MCHR2: variants seen among roughly 807,000 people sequenced by gnomAD.
MCHR2 encodes the protein melanin concentrating hormone receptor 2.
Under a neutral mutation model 24.8 loss-of-function variants are expected in MCHR2, and 15 were observed. The ratio of observed to expected loss-of-function variants is 0.60; its 90% CI spans 0.40 to 0.93. MCHR2 has a LOEUF of 0.93. Ranked by LOEUF, MCHR2 falls within the 40% of genes least tolerant of loss-of-function variation. The probability of loss-of-function intolerance (pLI) is 0.00; values close to 1 mark genes in which losing one functional copy is unlikely to be tolerated. For missense variants in MCHR2, 386 were observed against 408.7 expected (o/e 0.94, Z 0.48); for synonymous variants, 151 against 147.6 (o/e 1.02, Z -0.17).
chr6:99,919,746 G>A lies in MCHR2; in HGVS notation c.*1194C>T, dbSNP rs77858732. On this transcript the variant is annotated 3_prime_UTR_variant, in exon 6 of 6. Transcript: ENST00000281806. ...TTTTGTTTGTTTTGTTTTTTTTTTT[G>A]AGATGACGTCTCACTCTATTGCCCA... Among the ~76,000 whole-genome samples the A allele has an allele frequency of 3.0e-5, 2 of 67,144 alleles. No homozygotes were observed. Among genetic ancestry groups the A allele is most frequent in the South Asian group, 4.9e-4 (1 of 2,052 alleles). The allele number at this position is 67,144 out of a possible 152,430, so 44.0% of individuals were successfully genotyped here.
chr6:99,940,449 C>G (rs1426474313), intron 4 of MCHR2, among the ~76,000 whole-genome samples: 1 of 151,920 alleles, frequency 6.6e-6, no homozygotes, highest in Admixed American at 6.6e-5. Context: ...ATTTCAATCT[C>G]TTTGTTAAAT....
At chr6:99,927,023 G>A (rs1774378442) in intron 5 of MCHR2, among the ~76,000 whole-genome samples, 1 of 152,128 alleles carries the variant, frequency 6.6e-6, no homozygotes. Flanking sequence ...TAAGGTGTAA[G>A]GAAGGGATCC....
In MCHR2 at chr6:99,920,816, A is replaced by G. The variant is rs772879609; in HGVS notation, c.*124T>C. ...ATTTGCATGGTTACACTTCTCTTCCATGCTGCTAAGAGTCACAAGTACACA... is the reference window on the plus strand; with the variant it reads ...ATTTGCATGGTTACACTTCTCTTCCGTGCTGCTAAGAGTCACAAGTACACA... On this transcript the variant is annotated 3_prime_UTR_variant, in exon 6 of 6. Transcript: ENST00000281806. 1 of 923,084 alleles carries G rather than the reference A, an allele frequency of 1.1e-6. No individual in the cohort carries two copies. Among genetic ancestry groups the G allele is most frequent in the Non-Finnish European group, 1.7e-6 (1 of 597,918 alleles). The allele number at this position is 923,084 out of a possible 1,614,324, so 57.2% of individuals were successfully genotyped here.
At chr6:99,926,355 T>G (rs1774357853) in intron 5 of MCHR2, among the ~76,000 whole-genome samples, 1 of 152,198 alleles carries the variant, frequency 6.6e-6, no homozygotes, top group African/African-American at 2.4e-5. Context: ...TACCCAGTAA[T>G]GGGATGGCTG....
At chr6:99,991,795 T>A (rs1231003663) in intron 1 of MCHR2, among the ~76,000 whole-genome samples, 2 of 106,904 alleles carry the variant, frequency 1.9e-5, no homozygotes, top group African/African-American at 3.8e-5. Context: ...GGTGACAGAG[T>A]GAGACTCCGT....
At chr6:99,992,083 T>C (rs1029512628) in intron 1 of MCHR2, among the ~76,000 whole-genome samples, 1 of 152,230 alleles carries the variant, frequency 6.6e-6, no homozygotes, top group Non-Finnish European at 1.5e-5. Flanking sequence ...TCCAGCTGGG[T>C]TGAAGGAAGA....
Position 99,931,417 on chromosome 6 carries a change from G to C in MCHR2, c.707+2981C>G, listed in dbSNP as rs570336662. On this transcript the variant is annotated intron_variant, in intron 5 of 5. Transcript: ENST00000281806. ...CTGCAGAGGTTACTGCTGTCTTTTT[G>C]TTTGTCTGTGCCCTGCCCCCAGAGG... Among the ~76,000 whole-genome samples the C allele has an allele frequency of 4.2e-3, 640 of 152,292 alleles. 6 individuals carry two copies. The highest frequency in any genetic ancestry group is 0.015 in the African/African-American group (614 of 41,568).
rs1329515282 is a variant in MCHR2 at position 99,956,087 on chromosome 6, TCCA to T, written c.58_60del (p.Trp20del). ...GCAGTTTGATAAGCAAACTCTTTAT[TCCA>T]GGATTTGTTTAAAAGTTCGGCAGAG... On this transcript the variant is annotated inframe_deletion, in exon 2 of 6. Coordinates refer to ENST00000281806, the MANE Select transcript of MCHR2 (RefSeq NM_001040179.2). 1 of 1,613,346 alleles carries T rather than the reference TCCA, an allele frequency of 6.2e-7. No homozygotes were observed. The highest frequency in any genetic ancestry group is 8.5e-7 in the Non-Finnish European group (1 of 1,179,636).
chr6:99,970,173 C>G (rs549859463), intron 1 of MCHR2, among the ~76,000 whole-genome samples: 15 of 151,274 alleles, frequency 9.9e-5, no homozygotes, highest in African/African-American at 3.6e-4. Context: ...TACAGTCCCA[C>G]CAACAGTGTA....
chr6:99,945,870 AG>A (rs1478960097), intron 3 of MCHR2, among the ~76,000 whole-genome samples: 4 of 152,154 alleles, frequency 2.6e-5, no homozygotes, highest in African/African-American at 7.2e-5. Flanking sequence ...AAAGACTAGG[AG>A]TAAGATACCA....
chr6:99,977,336 C>A (rs1775570606), intron 1 of MCHR2, among the ~76,000 whole-genome samples: 1 of 152,160 alleles, frequency 6.6e-6, no homozygotes, highest in Non-Finnish European at 1.5e-5. Flanking sequence ...TCTTAGGAAA[C>A]CTCCAGTTCA....
chr6:99,926,226 G>A (rs1774355275), intron 5 of MCHR2, among the ~76,000 whole-genome samples: 1 of 152,124 alleles, frequency 6.6e-6, no homozygotes, highest in Non-Finnish European at 1.5e-5. Context: ...TCTTAATCCA[G>A]TCTATCATTG....
intron 4 of MCHR2, among the ~76,000 whole-genome samples, chr6:99,939,696 T>C (rs1774734477): frequency 6.6e-6 from 1 of 151,942 alleles, no homozygotes; most frequent in African/African-American, 2.4e-5. Context: ...TATTTTCTTT[T>C]TGCACATTAG....
At position 99,943,104 on chromosome 6, in the gene MCHR2, C is replaced by T; in HGVS notation, c.432G>A (p.Trp144Ter). ...TCCGGATGGTCTTGTACCTTGTTCT[C>T]CAACGTGTCAGTCGAAATGGTTGGA... Reference protein sequence around the residue: ...ALVQPFRLTRWRTRYKTIRIN... With the variant: ...ALVQPFRLTR The change falls in exon 4 of 6, where the codon TGG becomes TGA. Residue 144 changes from tryptophan to a stop codon, truncating the protein, a stop_gained. Coordinates refer to ENST00000281806, the MANE Select transcript of MCHR2 (RefSeq NM_001040179.2). LOFTEE classifies it high-confidence loss of function. The T allele has an allele frequency of 3.7e-6, 6 of 1,610,748 alleles. No individual in the cohort carries two copies. The highest frequency in any genetic ancestry group is 4.2e-6 in the Non-Finnish European group (5 of 1,177,922).
intron 1 of MCHR2, among the ~76,000 whole-genome samples, chr6:99,973,541 T>C (rs1213854714): frequency 1.3e-5 from 2 of 152,232 alleles, no homozygotes; most frequent in Non-Finnish European, 2.9e-5. Flanking sequence ...TGTCTTTTAA[T>C]TGGAGGATTT....
chr6:99,974,549 T>C (rs937232339), intron 1 of MCHR2, among the ~76,000 whole-genome samples: 1 of 152,250 alleles, frequency 6.6e-6, no homozygotes, highest in Non-Finnish European at 1.5e-5. Flanking sequence ...TGGAGCCTTC[T>C]TCTCTCAACT....
chr6:99,963,737 T>C (rs1439664146), intron 1 of MCHR2, among the ~76,000 whole-genome samples: 1 of 152,092 alleles, frequency 6.6e-6, no homozygotes, highest in African/African-American at 2.4e-5. Context: ...AGTTTACTGG[T>C]TCATGTTCTA....
chr6:99,968,895 A>C (rs2114563497), intron 1 of MCHR2, among the ~76,000 whole-genome samples: 1 of 152,310 alleles, frequency 6.6e-6, no homozygotes, highest in East Asian at 1.9e-4. Context: ...GATAAGTCTG[A>C]AGGGAAATTT....
At chr6:99,930,173 T>C (rs1310238954) in intron 5 of MCHR2, among the ~76,000 whole-genome samples, 1 of 152,180 alleles carries the variant, frequency 6.6e-6, no homozygotes, top group African/African-American at 2.4e-5. Context: ...GGCCCTCACT[T>C]TCTCCTGGCT....
Sources: gnomAD v4.1 joint callset for allele counts (sites outside exome capture counted in the v4.1 genomes callset) on GRCh38, gnomAD v4.1.1 for gene constraint, MANE v1.5 for transcripts, NCBI Gene and HGNC (gene_info 2026-07-23, HGNC 2026-07-21) for gene names.